The following FAF1 variants were observed in gnomAD, a reference collection of about 807,000 sequenced individuals.
FAF1 encodes the protein Fas associated factor 1, also known as FAS-associated factor 1.
Under a neutral mutation model 92.5 loss-of-function variants are expected in FAF1, and 25 were observed. That is an observed-to-expected ratio of 0.27 (90% CI 0.20 to 0.38). FAF1 has a LOEUF of 0.38. Among genes scored for constraint, FAF1 ranks in the 10% least tolerant of loss-of-function variants. FAF1 has a pLI of 1.00. For synonymous variants in FAF1, 234 were observed against 273.2 expected (o/e 0.86, Z 1.42); for missense variants, 636 against 793.3 (o/e 0.80, Z 2.38).
chr1:50,935,537 A>G (rs114323011), intron 1 of FAF1, among the ~76,000 whole-genome samples: 3,503 of 149,836 alleles, frequency 0.023, 67 homozygotes, highest in Non-Finnish European at 0.038. Context: ...GTAGCAGGGT[A>G]TCAGCTCACT....
At chr1:50,550,918 T>C (rs1191007561) in intron 13 of FAF1, among the ~76,000 whole-genome samples, 1 of 152,190 alleles carries the variant, frequency 6.6e-6, no homozygotes, top group Non-Finnish European at 1.5e-5. Flanking sequence ...AAAATGTAAA[T>C]GCTCTCAGGT....
intron 1 of FAF1, among the ~76,000 whole-genome samples, chr1:50,915,490 G>A (rs140982992): frequency 1.2e-3 from 175 of 152,114 alleles, no homozygotes; most frequent in African/African-American, 3.6e-3. Flanking sequence ...CCACTTAGAC[G>A]AGTAGAAGAT....
intron 3 of FAF1, among the ~76,000 whole-genome samples, chr1:50,792,557 T>G (rs1350025904): frequency 6.6e-6 from 1 of 152,230 alleles, no homozygotes; most frequent in East Asian, 1.9e-4. Flanking sequence ...ATGAGATGCC[T>G]GAACCTTCCT....
chr1:50,904,357 G>A (rs1644818819), intron 1 of FAF1, among the ~76,000 whole-genome samples: 1 of 152,164 alleles, frequency 6.6e-6, no homozygotes, highest in Admixed American at 6.6e-5. Flanking sequence ...CAGAGCTGGG[G>A]AATGGGGAAA....
chr1:50,634,792 G>A (rs1653936553), intron 8 of FAF1, among the ~76,000 whole-genome samples: 1 of 152,052 alleles, frequency 6.6e-6, no homozygotes, highest in African/African-American at 2.4e-5. Flanking sequence ...AGGCATTCTG[G>A]GCACTTTAGA....
At chr1:50,546,157 C>T (rs1649005611) in intron 13 of FAF1, among the ~76,000 whole-genome samples, 1 of 151,992 alleles carries the variant, frequency 6.6e-6, no homozygotes, top group African/African-American at 2.4e-5. Context: ...CAGAGTGAGA[C>T]CCTGTGTCTA....
At chr1:50,536,547 T>C (rs982418894) in intron 14 of FAF1, among the ~76,000 whole-genome samples, 15 of 152,282 alleles carry the variant, frequency 9.9e-5, no homozygotes, top group South Asian at 4.1e-4. Context: ...CTTATGACCA[T>C]TGGCAGCATG....
At chr1:50,522,400 C>G (rs1557980019) in intron 15 of FAF1, among the ~76,000 whole-genome samples, 2 of 152,210 alleles carry the variant, frequency 1.3e-5, no homozygotes, top group African/African-American at 4.8e-5. Context: ...GGGGCAATTA[C>G]TATCTCTTAA....
chr1:50,865,135 G>C (rs1464025955), intron 1 of FAF1, among the ~76,000 whole-genome samples: 1 of 152,154 alleles, frequency 6.6e-6, no homozygotes, highest in Non-Finnish European at 1.5e-5. Context: ...AAACCACAAT[G>C]AGTTACCATC....
chr1:50,527,866 TCC>T (rs57544709), intron 15 of FAF1, among the ~76,000 whole-genome samples: 1,718 of 108,244 alleles, frequency 0.016, 39 homozygotes, highest in African/African-American at 0.066. Context: ...TCTCCCTCTC[TCC>T]CTCTCTCTCT....
intron 15 of FAF1, among the ~76,000 whole-genome samples, chr1:50,531,787 A>G (rs2149035755): frequency 6.6e-6 from 1 of 152,280 alleles, no homozygotes; most frequent in South Asian, 2.1e-4. Context: ...TTTCTGGGCC[A>G]CTGAAGAGTG....
At chr1:50,773,028 T>C (rs1263066599) in intron 4 of FAF1, among the ~76,000 whole-genome samples, 6 of 152,228 alleles carry the variant, frequency 3.9e-5, no homozygotes, top group Non-Finnish European at 8.8e-5. Context: ...TCTGGTATCA[T>C]TAATTGAAAG....
intron 4 of FAF1, among the ~76,000 whole-genome samples, chr1:50,751,383 G>A (rs1659861925): frequency 1.3e-5 from 2 of 152,126 alleles, no homozygotes; most frequent in Non-Finnish European, 2.9e-5. Flanking sequence ...GGCCCATGCT[G>A]GAGTGCAGCA....
At chr1:50,766,956 G>C (rs77701130) in intron 4 of FAF1, among the ~76,000 whole-genome samples, 10,087 of 152,106 alleles carry the variant, frequency 0.066, 414 homozygotes, top group East Asian at 0.094. Context: ...CCAGCAATAG[G>C]TCTTAACCAG....
chr1:50,713,249 G>GTAAGAAATAATGAAACAGT (rs1553131108), intron 6 of FAF1, among the ~76,000 whole-genome samples: 1 of 144,136 alleles, frequency 6.9e-6, no homozygotes, highest in Non-Finnish European at 1.5e-5. Flanking sequence ...TAATGAAACA[G>GTAAGAAATAATGAAACAGT]TTAAAAAAAA....
intron 4 of FAF1, among the ~76,000 whole-genome samples, chr1:50,750,760 C>T (rs1215448675): frequency 1.3e-5 from 2 of 151,394 alleles, no homozygotes; most frequent in Non-Finnish European, 2.9e-5. Context: ...AGTAGCTGGA[C>T]TACAGGCACA....
chr1:50,499,906 A>T (rs920354738), intron 15 of FAF1, among the ~76,000 whole-genome samples: 9 of 152,234 alleles, frequency 5.9e-5, no homozygotes, highest in African/African-American at 2.2e-4. Context: ...CAGTTTAAAA[A>T]TATCATTTAT....
At chr1:50,822,499 T>A (rs1286792522) in intron 2 of FAF1, among the ~76,000 whole-genome samples, 1 of 152,182 alleles carries the variant, frequency 6.6e-6, no homozygotes, top group African/African-American at 2.4e-5. Flanking sequence ...TGTGTGACAG[T>A]CACCTACTTC....
At chr1:50,592,194 A>G (rs1351646836) in intron 9 of FAF1, among the ~76,000 whole-genome samples, 1 of 151,122 alleles carries the variant, frequency 6.6e-6, no homozygotes, top group Non-Finnish European at 1.5e-5. Context: ...TATTCATCTG[A>G]CTAGTACATA....
Sources: allele counts gnomAD v4.1 joint callset (sites outside exome capture counted in the v4.1 genomes callset), GRCh38; gene constraint gnomAD v4.1.1; transcripts MANE v1.5; gene names NCBI Gene and HGNC (gene_info 2026-07-23, HGNC 2026-07-21).